Variants in RNGTT observed in about 807,000 individuals in gnomAD.
RNGTT encodes the protein mRNA-capping enzyme.
Under a neutral mutation model 79.3 loss-of-function variants are expected in RNGTT, and 33 were observed. The ratio of observed to expected loss-of-function variants is 0.42; its 90% CI spans 0.32 to 0.56. The LOEUF (loss-of-function observed/expected upper bound fraction) is 0.56. RNGTT is among the 20% of genes least tolerant of loss of function. The pLI, the probability that RNGTT is intolerant of heterozygous loss-of-function variation, is 0.17. For missense variants in RNGTT, 497 were observed against 739.1 expected, an observed-to-expected ratio of 0.67 and a Z score of 3.80; for synonymous variants, 222 against 235.9, an observed-to-expected ratio of 0.94 and a Z score of 0.54.
At chr6:88,827,424 G>A (rs556906753) in intron 11 of RNGTT, among the ~76,000 whole-genome samples, 1 of 152,246 alleles carries the variant, frequency 6.6e-6, no homozygotes, top group South Asian at 2.1e-4. Context: ...GGATGCCTAC[G>A]CCACCAGGGC....
intron 12 of RNGTT, among the ~76,000 whole-genome samples, chr6:88,772,328 A>G (rs1778713434): frequency 6.6e-6 from 1 of 152,184 alleles, no homozygotes; most frequent in Non-Finnish European, 1.5e-5. Flanking sequence ...GGAAGACTCA[A>G]TGTGTTAAGA....
chr6:88,840,297 C>T (rs1397465025), intron 11 of RNGTT, among the ~76,000 whole-genome samples: 2 of 151,748 alleles, frequency 1.3e-5, no homozygotes. Context: ...ATTCTACAAC[C>T]GAAAATACTT....
intron 2 of RNGTT, among the ~76,000 whole-genome samples, chr6:88,933,702 C>T (rs1030597203): frequency 2.6e-5 from 4 of 152,174 alleles, no homozygotes; most frequent in African/African-American, 9.7e-5. Context: ...TTTTGGTTAA[C>T]ATAATAAACT....
chr6:88,836,639 G>A (rs73498433), intron 11 of RNGTT, among the ~76,000 whole-genome samples: 11 of 152,018 alleles, frequency 7.2e-5, no homozygotes, highest in Non-Finnish European at 1.5e-4. Context: ...CTACTCAGGA[G>A]GCTAAGGCGG....
At chr6:88,825,043 TTCTG>T (rs371133963) in intron 11 of RNGTT, among the ~76,000 whole-genome samples, 5 of 152,126 alleles carry the variant, frequency 3.3e-5, no homozygotes, top group African/African-American at 1.2e-4. Flanking sequence ...ACACCCAGCC[TTCTG>T]TCTGTTTTCT....
intron 11 of RNGTT, among the ~76,000 whole-genome samples, chr6:88,812,715 C>G (rs938885845): frequency 2.0e-5 from 3 of 152,162 alleles, no homozygotes; most frequent in Non-Finnish European, 4.4e-5. Context: ...TACAAGCAGT[C>G]AAATTCAACA....
intron 2 of RNGTT, 38 bp downstream of exon 2, chr6:88,941,033 A>G (rs1308048279): frequency 3.2e-6 from 4 of 1,231,100 alleles, no homozygotes; most frequent in Middle Eastern, 1.9e-4. Flanking sequence ...TGAACAAAGT[A>G]TATTAAATCA....
At chr6:88,710,986 AC>A (rs1776299136) in intron 13 of RNGTT, among the ~76,000 whole-genome samples, 1 of 152,206 alleles carries the variant, frequency 6.6e-6, no homozygotes, top group South Asian at 2.1e-4. Flanking sequence ...TCAACTATAA[AC>A]CATTTTACTT....
chr6:88,726,128 T>C lies in RNGTT; in HGVS notation c.1439+43646A>G, dbSNP rs532019898. Among the ~76,000 whole-genome samples, 223 of 152,172 alleles carry C rather than the reference T, an allele frequency of 1.5e-3. 1 individual carries two copies. The highest frequency in any genetic ancestry group is 2.4e-3 in the Non-Finnish European group (166 of 68,026). On this transcript the variant is annotated intron_variant, in intron 13 of 15. Coordinates refer to ENST00000369485, the MANE Select transcript of RNGTT (RefSeq NM_003800.5). ...TAAATTTAAAACCTATAATTGATAA[T>C]TGAAGGTCTTCTCTATGACCCTGTA...
At chr6:88,824,012 G>T (rs561372646) in intron 11 of RNGTT, among the ~76,000 whole-genome samples, 1 of 152,240 alleles carries the variant, frequency 6.6e-6, no homozygotes, top group East Asian at 1.9e-4. Context: ...GCAGGAACTA[G>T]ATCATACAGG....
At chr6:88,854,819 A>G (rs1035588047) in intron 8 of RNGTT, among the ~76,000 whole-genome samples, 1 of 152,220 alleles carries the variant, frequency 6.6e-6, no homozygotes, top group Non-Finnish European at 1.5e-5. Context: ...GCAAATCAAG[A>G]ATGGAGTTCT....
At chr6:88,784,390 T>A (rs2127850992) in intron 12 of RNGTT, among the ~76,000 whole-genome samples, 1 of 152,160 alleles carries the variant, frequency 6.6e-6, no homozygotes, top group East Asian at 1.9e-4. Context: ...TTGAGGCCAA[T>A]GGGAATACTG....
At chr6:88,919,704 GTTC>G (rs1784105170) in intron 4 of RNGTT, among the ~76,000 whole-genome samples, 1 of 86,284 alleles carries the variant, frequency 1.2e-5, no homozygotes, top group Admixed American at 1.1e-4. Flanking sequence ...TAGGTCAGTA[GTTC>G]TTTTTTTTTT....
intron 4 of RNGTT, among the ~76,000 whole-genome samples, chr6:88,913,158 T>C (rs1027505015): frequency 3.3e-5 from 5 of 149,774 alleles, no homozygotes; most frequent in African/African-American, 5.0e-5. Flanking sequence ...TGGGCTAAGA[T>C]TGCAGCACTG....
At chr6:88,799,668 T>C (rs1422572119) in intron 12 of RNGTT, among the ~76,000 whole-genome samples, 1 of 135,528 alleles carries the variant, frequency 7.4e-6, no homozygotes, top group Non-Finnish European at 1.5e-5. Context: ...CCATTGCACT[T>C]CAGCTTGGGC....
chr6:88,872,870 G>A (rs532182261), intron 8 of RNGTT, among the ~76,000 whole-genome samples: 2 of 152,216 alleles, frequency 1.3e-5, no homozygotes, highest in African/African-American at 2.4e-5. Flanking sequence ...CCCCAAAGAA[G>A]ATCCAGACCC....
rs746714288 is a variant in RNGTT at position 88,880,563 on chromosome 6, C to T, written c.896+9932G>A. ...ATATGTAAAAATTGCAACCATAGCACCAGCCCTTTTGTTGGTCTGTTACAT... is the reference window on the plus strand; with the variant it reads ...ATATGTAAAAATTGCAACCATAGCATCAGCCCTTTTGTTGGTCTGTTACAT... On this transcript the variant is annotated intron_variant, in intron 8 of 15. Coordinates refer to ENST00000369485, the MANE Select transcript of RNGTT (RefSeq NM_003800.5). Among the ~76,000 whole-genome samples, 95 of 152,142 alleles carry T rather than the reference C, an allele frequency of 6.2e-4. 1 individual carries two copies. Among genetic ancestry groups the T allele is most frequent in the Non-Finnish European group, 1.2e-3 (84 of 67,972 alleles).
chr6:88,951,606 G>C (rs962813601), intron 1 of RNGTT, among the ~76,000 whole-genome samples: 2 of 152,130 alleles, frequency 1.3e-5, no homozygotes, highest in Admixed American at 6.5e-5. Flanking sequence ...AGTGTGAGAG[G>C]GGGGATAAAA....
intron 4 of RNGTT, among the ~76,000 whole-genome samples, chr6:88,928,457 G>GT (rs1387940585): frequency 6.6e-6 from 1 of 152,056 alleles, no homozygotes; most frequent in African/African-American, 2.4e-5. Context: ...AGAGCAGGAT[G>GT]TTTTTTTCTA....
Sources: allele counts gnomAD v4.1 joint callset (sites outside exome capture counted in the v4.1 genomes callset), GRCh38; gene constraint gnomAD v4.1.1; transcripts MANE v1.5; gene names NCBI Gene and HGNC (gene_info 2026-07-23, HGNC 2026-07-21).